Variants in PAX5 observed in about 807,000 individuals in gnomAD.
The protein encoded by PAX5 is paired box 5, also known as paired box protein Pax-5.
In PAX5, 9 loss-of-function variants were observed where a neutral mutation model predicts 43.7. That is an observed-to-expected ratio of 0.21 (90% confidence interval 0.12 to 0.36). The LOEUF (loss-of-function observed/expected upper bound fraction) is 0.36, where lower values mean the gene tolerates loss of function less well. Among genes scored for constraint, PAX5 ranks in the 10% least tolerant of loss-of-function variants. PAX5 has a pLI of 1.00. For missense variants in PAX5, 383 were observed against 532.7 expected (o/e 0.72, Z 2.77); for synonymous variants, 228 against 214.3 (o/e 1.06, Z -0.56).
chr9:36,865,604 A>G (rs550613702), intron 8 of PAX5, among the ~76,000 whole-genome samples: 2 of 152,230 alleles, frequency 1.3e-5, no homozygotes, highest in East Asian at 3.9e-4. Context: ...AGACCAGAAC[A>G]TATTCCGCAA....
chr9:36,992,741 C>A (rs1837051058), intron 5 of PAX5, among the ~76,000 whole-genome samples: 1 of 152,226 alleles, frequency 6.6e-6, no homozygotes, highest in African/African-American at 2.4e-5. Flanking sequence ...TGACACCTTT[C>A]TTTTAACTGA....
Position 37,002,757 on chromosome 9 carries a change from C to T in PAX5, c.495G>A (p.Thr165=), listed in dbSNP as rs1335245992. The T allele has an allele frequency of 6.2e-7, 1 of 1,609,650 alleles. No homozygotes were observed. The highest frequency in any genetic ancestry group is 1.7e-5 in the Admixed American group (1 of 59,512). ...AATCCGTGCTCACCGAGGACACCTG[C>T]GTCACGGAGCCAGTGGACACTGCGC... ...SHSIVSTGSV[T]QVSSVSTDSA... Residue 165 remains threonine, a synonymous_variant, in exon 5 of 10, where the codon ACG becomes ACA. Transcript: ENST00000358127.
intron 8 of PAX5, among the ~76,000 whole-genome samples, chr9:36,859,606 C>T (rs1824002048): frequency 6.6e-6 from 1 of 152,178 alleles, no homozygotes; most frequent in African/African-American, 2.4e-5. Flanking sequence ...GGCTCCTCAC[C>T]CTTCCTCACT....
chr9:37,022,274 A>C (rs1488410645), intron 1 of PAX5, among the ~76,000 whole-genome samples: 1 of 152,240 alleles, frequency 6.6e-6, no homozygotes, highest in African/African-American at 2.4e-5. Context: ...GTTCTAAAAG[A>C]CATAAGAAAA....
chr9:36,947,534 C>T (rs925910366), intron 6 of PAX5, among the ~76,000 whole-genome samples: 2 of 152,070 alleles, frequency 1.3e-5, no homozygotes, highest in African/African-American at 4.8e-5. Context: ...GTAGCTATCA[C>T]GCTTGGCTAA....
At chr9:37,017,904 A>G (rs1288338456) in intron 2 of PAX5, among the ~76,000 whole-genome samples, 1 of 152,240 alleles carries the variant, frequency 6.6e-6, no homozygotes, top group Non-Finnish European at 1.5e-5. Context: ...TTTAATAACT[A>G]TCCTTTCATC....
intron 5 of PAX5, among the ~76,000 whole-genome samples, chr9:36,998,821 A>G (rs1837614668): frequency 6.6e-6 from 1 of 152,380 alleles, no homozygotes; most frequent in South Asian, 2.1e-4. Flanking sequence ...ACTTGGCAGC[A>G]AAAATAAGAG....
At chr9:36,886,848 G>A (rs1826945191) in intron 7 of PAX5, among the ~76,000 whole-genome samples, 1 of 152,118 alleles carries the variant, frequency 6.6e-6, no homozygotes, top group African/African-American at 2.4e-5. Flanking sequence ...ACTCATGCGT[G>A]GCCTTCTCTT....
chr9:36,868,813 T>C (rs1317553299), intron 8 of PAX5, among the ~76,000 whole-genome samples: 1 of 151,870 alleles, frequency 6.6e-6, no homozygotes, highest in East Asian at 1.9e-4. Flanking sequence ...CAACACCACC[T>C]CCCGAACCCA....
chr9:36,840,172 T>G lies in PAX5; in HGVS notation c.*388A>C. The stretch of plus-strand genomic sequence containing the variant: ...GCCCACAGAAAAGCAAGAAGGTATT[T>G]ACATGGGTGCTGCTGAAGCAACAAA... On this transcript the variant is annotated 3_prime_UTR_variant, in exon 10 of 10. Coordinates refer to ENST00000358127, the MANE Select transcript of PAX5 (RefSeq NM_016734.3). The G allele has an allele frequency of 2.4e-6, 1 of 416,624 alleles. No homozygotes were observed. The allele number at this position is 416,624 out of a possible 1,614,324, so 25.8% of individuals were successfully genotyped here.
chr9:36,970,762 T>A lies in PAX5; in HGVS notation c.605-4038A>T, dbSNP rs182689009. Reference sequence around the variant, plus strand: ...CCAGACACAGCCAGAAGCACACATGTCTCCTCCTCCAGGATGCCTTCCTTC... The same window carrying A: ...CCAGACACAGCCAGAAGCACACATGACTCCTCCTCCAGGATGCCTTCCTTC... On this transcript the variant is annotated intron_variant, in intron 5 of 9. Coordinates refer to ENST00000358127, the MANE Select transcript of PAX5 (RefSeq NM_016734.3). Among the ~76,000 whole-genome samples the A allele has an allele frequency of 8.5e-3, 1,299 of 152,166 alleles. 10 individuals carry two copies. Among genetic ancestry groups the A allele is most frequent in the Non-Finnish European group, 0.014 (972 of 67,992 alleles).
intron 7 of PAX5, among the ~76,000 whole-genome samples, chr9:36,912,789 T>A (rs551405265): frequency 1.3e-5 from 2 of 152,352 alleles, no homozygotes; most frequent in South Asian, 4.1e-4. Flanking sequence ...TCTCCACAAC[T>A]GCCCACATAC....
At chr9:36,878,372 C>T (rs1396819240) in intron 8 of PAX5, among the ~76,000 whole-genome samples, 1 of 152,228 alleles carries the variant, frequency 6.6e-6, no homozygotes, top group Non-Finnish European at 1.5e-5. Context: ...GCGTAGGGGG[C>T]TGTGCCTTGA....
chr9:37,005,350 C>T (rs1838302499), intron 4 of PAX5, among the ~76,000 whole-genome samples: 1 of 152,242 alleles, frequency 6.6e-6, no homozygotes, highest in Non-Finnish European at 1.5e-5. Flanking sequence ...GTCTGCACCG[C>T]AGGGACTTAG....
At chr9:36,908,891 T>G (rs1829029368) in intron 7 of PAX5, among the ~76,000 whole-genome samples, 1 of 152,222 alleles carries the variant, frequency 6.6e-6, no homozygotes, top group African/African-American at 2.4e-5. Context: ...TACTTTCCAC[T>G]GAAATTATTT....
intron 5 of PAX5, among the ~76,000 whole-genome samples, chr9:36,998,872 A>C (rs1175609105): frequency 6.6e-6 from 1 of 152,250 alleles, no homozygotes; most frequent in Non-Finnish European, 1.5e-5. Context: ...ACATGTTGAA[A>C]TGATGATATT....
chr9:36,938,404 T>C (rs141233019), intron 6 of PAX5, among the ~76,000 whole-genome samples: 148 of 152,300 alleles, frequency 9.7e-4, no homozygotes, highest in African/African-American at 3.2e-3. Context: ...CACACACACA[T>C]ATATTAATTT....
At chr9:36,881,233 T>A (rs1436318650) in intron 8 of PAX5, among the ~76,000 whole-genome samples, 1 of 152,196 alleles carries the variant, frequency 6.6e-6, no homozygotes, top group Non-Finnish European at 1.5e-5. Context: ...ATAAAAACTT[T>A]TAGAAATAAT....
chr9:36,951,021 C>T (rs929210366), intron 6 of PAX5, among the ~76,000 whole-genome samples: 8 of 152,120 alleles, frequency 5.3e-5, no homozygotes, highest in South Asian at 2.1e-4. Flanking sequence ...GGATTGCAGG[C>T]GTGAGCCACT....
Sources: allele counts gnomAD v4.1 joint callset (sites outside exome capture counted in the v4.1 genomes callset), GRCh38; gene constraint gnomAD v4.1.1; transcripts MANE v1.5; gene names NCBI Gene and HGNC (gene_info 2026-07-23, HGNC 2026-07-21).